Variants in ACVR1C observed in about 807,000 individuals in gnomAD.
The protein encoded by ACVR1C is activin receptor type-1C.
In ACVR1C, 23 loss-of-function variants were observed where a neutral mutation model predicts 57.9. The ratio of observed to expected loss-of-function variants is 0.40; its 90% confidence interval spans 0.29 to 0.56. The LOEUF is 0.56. Among genes scored for constraint, ACVR1C ranks in the 20% least tolerant of loss-of-function variants. The pLI, the probability that ACVR1C is intolerant of heterozygous loss-of-function variation, is 0.50. For synonymous variants in ACVR1C, 214 were observed against 215.3 expected, an observed-to-expected ratio of 0.99 and a Z score of 0.05; for missense variants, 480 against 607.9, an observed-to-expected ratio of 0.79 and a Z score of 2.21.
At chr2:157,555,957 T>C in intron 3 of ACVR1C, 136 bp downstream of exon 3, 1 of 1,031,294 alleles carries the variant, frequency 9.7e-7, no homozygotes, top group Non-Finnish European at 1.4e-6. Context: ...CTAAAAGGAG[T>C]TCCTATACCA....
At chr2:157,575,118 T>C (rs1462999559) in intron 2 of ACVR1C, among the ~76,000 whole-genome samples, 19 of 150,638 alleles carry the variant, frequency 1.3e-4, no homozygotes, top group African/African-American at 4.4e-4. Context: ...TGCACCACCA[T>C]ACCCGGCAAG....
At chr2:157,619,461 A>G (rs1413025337) in intron 1 of ACVR1C, among the ~76,000 whole-genome samples, 1 of 152,018 alleles carries the variant, frequency 6.6e-6, no homozygotes, top group Non-Finnish European at 1.5e-5. Context: ...AAGGTCTTAA[A>G]TTAATAATTT....
At chr2:157,598,874 G>A (rs1387444310) in intron 1 of ACVR1C, among the ~76,000 whole-genome samples, 1 of 151,898 alleles carries the variant, frequency 6.6e-6, no homozygotes, top group Non-Finnish European at 1.5e-5. Flanking sequence ...ATTAATCTGG[G>A]GGTTGACTGC....
intron 4 of ACVR1C, among the ~76,000 whole-genome samples, chr2:157,549,561 G>A (rs541441596): frequency 3.9e-5 from 6 of 152,002 alleles, no homozygotes; most frequent in Non-Finnish European, 7.4e-5. Context: ...TTTAAGCACC[G>A]CCCTGGCTAT....
At chr2:157,570,658 G>C (rs1394650786) in intron 2 of ACVR1C, among the ~76,000 whole-genome samples, 1 of 56,058 alleles carries the variant, frequency 1.8e-5, no homozygotes, top group African/African-American at 8.1e-5. Flanking sequence ...AACTTACAAG[G>C]GATGTGAAGG....
intron 2 of ACVR1C, among the ~76,000 whole-genome samples, chr2:157,583,604 C>T (rs1309197925): frequency 2.0e-5 from 3 of 152,144 alleles, no homozygotes; most frequent in African/African-American, 7.2e-5. Flanking sequence ...ATTCACAAAA[C>T]CTGATTTCAA....
Position 157,528,236 on chromosome 2 carries a change from A to C in ACVR1C, c.*5682T>G, listed in dbSNP as rs1687275973. 1 of 152,176 alleles carries C rather than the reference A, an allele frequency of 6.6e-6. No homozygotes were observed. The highest frequency in any genetic ancestry group is 2.1e-4 in the South Asian group (1 of 4,832). 9.4% of individuals were successfully genotyped at this position (152,176 alleles called of 1,614,324 possible). On this transcript the variant is annotated 3_prime_UTR_variant, in exon 9 of 9. Transcript: ENST00000243349. The stretch of plus-strand genomic sequence containing the variant: ...AGCTGGGAAGATTTATATAGAGCAC[A>C]ACAGGCCTGACTGGATGTGATGGCA...
At chr2:157,564,741 G>C (rs111834266) in intron 2 of ACVR1C, among the ~76,000 whole-genome samples, 2,258 of 151,960 alleles carry the variant, frequency 0.015, 49 homozygotes, top group African/African-American at 0.051. Context: ...TAAAGAAAAT[G>C]TTGTACATCT....
intron 2 of ACVR1C, among the ~76,000 whole-genome samples, chr2:157,566,694 T>A (rs905185855): frequency 1.3e-5 from 2 of 151,424 alleles, no homozygotes; most frequent in Non-Finnish European, 1.5e-5. Context: ...ATCCCACACC[T>A]GGCTCAGAGG....
intron 3 of ACVR1C, among the ~76,000 whole-genome samples, chr2:157,554,225 A>AAGAGAGAG: frequency 8.1e-6 from 1 of 122,960 alleles, no homozygotes; most frequent in South Asian, 2.6e-4. Context: ...GAAAGAAAGA[A>AAGAGAGAG]AGAAAGAAAG....
intron 1 of ACVR1C, among the ~76,000 whole-genome samples, chr2:157,609,090 A>C (rs1259248985): frequency 6.6e-6 from 1 of 151,334 alleles, no homozygotes; most frequent in Non-Finnish European, 1.5e-5. Flanking sequence ...TGTTTTTTTT[A>C]GTGTGGGCAT....
intron 3 of ACVR1C, among the ~76,000 whole-genome samples, chr2:157,554,284 A>AAGGAAGGAAGGAAGG (rs1558975234): frequency 2.5e-4 from 29 of 114,056 alleles, no homozygotes; most frequent in African/African-American, 1.4e-3. Flanking sequence ...AGGAAGGAAG[A>AAGGAAGGAAGGAAGG]GAGAGAGAGA....
intron 3 of ACVR1C, among the ~76,000 whole-genome samples, chr2:157,555,101 C>CTGTTTTTTTTTTTT (rs1688065172): frequency 1.2e-5 from 1 of 83,928 alleles, no homozygotes; most frequent in Non-Finnish European, 2.2e-5. Context: ...ACTTTGAACG[C>CTGTTTTTTTTTTTT]TTTTTTTTTT....
At chr2:157,613,622 T>C (rs1394815433) in intron 1 of ACVR1C, among the ~76,000 whole-genome samples, 1 of 152,200 alleles carries the variant, frequency 6.6e-6, no homozygotes, top group South Asian at 2.1e-4. Context: ...TCTGTTGATA[T>C]TGTCATATGG....
At chr2:157,620,185 A>G (rs1301664574) in intron 1 of ACVR1C, among the ~76,000 whole-genome samples, 1 of 152,086 alleles carries the variant, frequency 6.6e-6, no homozygotes, top group Non-Finnish European at 1.5e-5. Flanking sequence ...ATTCAGTTAT[A>G]CATTTATTAT....
intron 1 of ACVR1C, among the ~76,000 whole-genome samples, chr2:157,592,509 A>G (rs536009934): frequency 6.6e-6 from 1 of 152,240 alleles, no homozygotes; most frequent in African/African-American, 2.4e-5. Flanking sequence ...AATGGCTTCA[A>G]ACATCTGCTA....
At chr2:157,604,858 T>G (rs981618163) in intron 1 of ACVR1C, among the ~76,000 whole-genome samples, 1 of 151,890 alleles carries the variant, frequency 6.6e-6, no homozygotes, top group Non-Finnish European at 1.5e-5. Flanking sequence ...CTTCTCATTC[T>G]CTTAACAGCA....
chr2:157,581,542 A>G (rs577944554), intron 2 of ACVR1C, among the ~76,000 whole-genome samples: 2 of 152,244 alleles, frequency 1.3e-5, no homozygotes, highest in Admixed American at 1.3e-4. Context: ...TCACACACAC[A>G]AAAAATAAAA....
At chr2:157,623,446 C>T (rs1682830753) in intron 1 of ACVR1C, among the ~76,000 whole-genome samples, 1 of 152,160 alleles carries the variant, frequency 6.6e-6, no homozygotes, top group Non-Finnish European at 1.5e-5. Flanking sequence ...GAGATCCAGT[C>T]ATTTGCAACA....
Sources: gnomAD v4.1 joint callset for allele counts (sites outside exome capture counted in the v4.1 genomes callset) on GRCh38, gnomAD v4.1.1 for gene constraint, MANE v1.5 for transcripts, NCBI Gene and HGNC (gene_info 2026-07-23, HGNC 2026-07-21) for gene names.